Variants in FSTL4 observed in about 807,000 individuals in gnomAD.
FSTL4 encodes the protein follistatin-related protein 4.
Under a neutral mutation model 78.2 loss-of-function variants are expected in FSTL4, and 28 were observed. That is an observed-to-expected ratio of 0.36 (90% confidence interval 0.27 to 0.49). The LOEUF is 0.49. Among genes scored for constraint, FSTL4 ranks in the 20% least tolerant of loss-of-function variants. FSTL4 has a pLI of 0.98. For missense variants in FSTL4, 922 were observed against 1,084.9 expected (o/e 0.85, Z 2.11); for synonymous variants, 422 against 440.5 (o/e 0.96, Z 0.53).
the FSTL4 span, among the ~76,000 whole-genome samples, chr5:133,796,991 A>G: frequency 0.028 from 4,331 of 152,288 alleles, 202 homozygotes; most frequent in African/African-American, 0.098. Flanking sequence ...CATTGAGCCC[A>G]GGAATCCTCA....
chr5:133,278,488 T>C (rs1752937922), intron 6 of FSTL4, among the ~76,000 whole-genome samples: 1 of 152,264 alleles, frequency 6.6e-6, no homozygotes, highest in Non-Finnish European at 1.5e-5. Flanking sequence ...CTGTCAGGGC[T>C]GATACCAGCG....
In FSTL4 at chr5:133,611,776, C is replaced by T. The variant is rs1167446253; in HGVS notation, c.-11+549G>A. On this transcript the variant is annotated intron_variant, in intron 1 of 15. Coordinates refer to ENST00000265342, the MANE Select transcript of FSTL4 (RefSeq NM_015082.2). The surrounding 1 kb of genome is among the most constrained non-coding windows in gnomAD (Gnocchi z 4.9). ...CAGGGCCAGGCGAAGCGCAGCGGGC[C>T]CTTTGGGCTGCAGCGAGGAGACGCA... Among the ~76,000 whole-genome samples the T allele has an allele frequency of 6.6e-6, 1 of 152,172 alleles. No homozygotes were observed. The highest frequency in any genetic ancestry group is 6.5e-5 in the Admixed American group (1 of 15,290).
chr5:133,311,740 T>C (rs1333268033), intron 6 of FSTL4, among the ~76,000 whole-genome samples: 7 of 152,190 alleles, frequency 4.6e-5, no homozygotes, highest in Admixed American at 4.6e-4. Context: ...GGGGTGGGCT[T>C]GCACCCACCT....
intron 3 of FSTL4, among the ~76,000 whole-genome samples, chr5:133,524,728 C>T (rs1209847669): frequency 1.3e-5 from 2 of 152,172 alleles, no homozygotes; most frequent in Non-Finnish European, 1.5e-5. Flanking sequence ...AAACGTATAG[C>T]GCTAAAGCCA....
chr5:133,806,258 A>C, the FSTL4 span, among the ~76,000 whole-genome samples: 1 of 152,264 alleles, frequency 6.6e-6, no homozygotes, highest in East Asian at 1.9e-4. Context: ...TGGAGTAGAC[A>C]ACGTCCTCCA....
At chr5:133,415,305 C>T (rs1252498509) in intron 3 of FSTL4, among the ~76,000 whole-genome samples, 1 of 152,212 alleles carries the variant, frequency 6.6e-6, no homozygotes, top group Admixed American at 6.5e-5. Context: ...AGGCTTTACC[C>T]TCCACTGTCG....
chr5:133,635,437 G>C, the FSTL4 span, among the ~76,000 whole-genome samples: 4 of 152,348 alleles, frequency 2.6e-5, no homozygotes, highest in East Asian at 7.7e-4. Flanking sequence ...ATATGGGAAA[G>C]TACGTGGACC....
In FSTL4 at chr5:133,316,558, T is replaced by A; in HGVS notation, c.504A>T (p.Arg168Ser). 2.5e-6 allele frequency: 4 copies of A among 1,614,122 alleles called. No individual in the cohort carries two copies. The highest frequency in any genetic ancestry group is 3.4e-6 in the Non-Finnish European group (4 of 1,179,954). ...RLQPLQEGDSRQDPASQKRLL... is the reference protein window; with the variant it reads ...RLQPLQEGDSSQDPASQKRLL... ...GGCGCTTCTGGGAGGCAGGGTCTTG[T>A]CTGCTGTCTCCTTCTTGGAGTGGCT... The change falls in exon 5 of 16, where the codon AGA becomes AGT. Residue 168 changes from arginine to serine, a missense_variant. Coordinates refer to ENST00000265342, the MANE Select transcript of FSTL4 (RefSeq NM_015082.2).
At chr5:133,357,290 TC>T in intron 4 of FSTL4, among the ~76,000 whole-genome samples, 1 of 152,238 alleles carries the variant, frequency 6.6e-6, no homozygotes, top group Admixed American at 6.5e-5. Context: ...CTAGGAGAAC[TC>T]CCCGTTGGCC....
chr5:133,337,874 G>C (rs116466977), intron 4 of FSTL4, among the ~76,000 whole-genome samples: 1 of 152,292 alleles, frequency 6.6e-6, no homozygotes, highest in East Asian at 1.9e-4. Context: ...CTTTTAAGGC[G>C]CTAGGTAGTG....
intron 3 of FSTL4, among the ~76,000 whole-genome samples, chr5:133,503,276 C>T (rs544714793): frequency 1.3e-5 from 2 of 152,296 alleles, no homozygotes; most frequent in South Asian, 4.1e-4. Context: ...AAATGTTAAA[C>T]AACCAGCACT....
intron 3 of FSTL4, among the ~76,000 whole-genome samples, chr5:133,429,029 T>G (rs1756883177): frequency 6.6e-6 from 1 of 152,210 alleles, no homozygotes; most frequent in Non-Finnish European, 1.5e-5. Context: ...AGTGGGATCC[T>G]AAGGATAGCA....
chr5:133,547,814 A>T (rs575111890), intron 3 of FSTL4, among the ~76,000 whole-genome samples: 13 of 152,260 alleles, frequency 8.5e-5, no homozygotes, highest in East Asian at 5.8e-4. Context: ...CTCTTTTTTT[A>T]AAAAAATAAA....
chr5:133,378,638 A>G (rs1459269701), intron 4 of FSTL4, among the ~76,000 whole-genome samples: 1 of 152,180 alleles, frequency 6.6e-6, no homozygotes, highest in African/African-American at 2.4e-5. Context: ...TGTAAAGTGT[A>G]AAATACATAT....
chr5:133,826,084 C>T, the FSTL4 span, among the ~76,000 whole-genome samples: 2 of 152,204 alleles, frequency 1.3e-5, no homozygotes, highest in Admixed American at 1.3e-4. Context: ...AATCAATTCA[C>T]AAAAGTACAT....
At chr5:133,738,645 GC>G in the FSTL4 span, among the ~76,000 whole-genome samples, 4 of 152,156 alleles carry the variant, frequency 2.6e-5, no homozygotes, top group Non-Finnish European at 5.9e-5. Flanking sequence ...TCTTACGGCT[GC>G]CCCTTGCTTG....
intron 3 of FSTL4, among the ~76,000 whole-genome samples, chr5:133,417,998 C>T (rs1303699342): frequency 7.6e-6 from 1 of 130,856 alleles, no homozygotes; most frequent in Non-Finnish European, 1.6e-5. Flanking sequence ...AGAGGTTTCA[C>T]TTATGATCAG....
Position 133,233,414 on chromosome 5 carries a change from A to T in FSTL4, c.1015+3T>A. The T allele has an allele frequency of 6.2e-7, 1 of 1,614,088 alleles. No homozygotes were observed. Among genetic ancestry groups the T allele is most frequent in the Non-Finnish European group, 8.5e-7 (1 of 1,180,008 alleles). ...GACAACATGCATGGAGCCATTTACT[A>T]ACCATTCACCTGCAGGACGTGGGTC... On this transcript the variant is annotated splice_donor_region_variant and intron_variant, in intron 8 of 15. Coordinates refer to ENST00000265342, the MANE Select transcript of FSTL4 (RefSeq NM_015082.2).
the FSTL4 span, among the ~76,000 whole-genome samples, chr5:133,704,114 C>A: frequency 6.6e-6 from 1 of 152,108 alleles, no homozygotes; most frequent in East Asian, 1.9e-4. Flanking sequence ...ATCTCCACAC[C>A]ATCAGAGACA....
Sources: gnomAD v4.1 joint callset for allele counts (sites outside exome capture counted in the v4.1 genomes callset) on GRCh38, gnomAD v4.1.1 for gene constraint, Gnocchi (gnomAD v3.1) non-coding constraint, MANE v1.5 for transcripts, NCBI Gene and HGNC (gene_info 2026-07-23, HGNC 2026-07-21) for gene names.